The following ERN2 variants were observed in gnomAD, a reference collection of about 807,000 sequenced individuals.
The protein encoded by ERN2 is serine/threonine-protein kinase/endoribonuclease IRE2.
A neutral mutation model predicts 107.9 loss-of-function variants in ERN2; 111 were observed. The ratio of observed to expected loss-of-function variants is 1.03; its 90% CI spans 0.88 to 1.20. The LOEUF is 1.20. Among genes scored for constraint, ERN2 ranks in the 50% most tolerant of loss-of-function variants. The pLI is 0.00. For synonymous variants in ERN2, 524 were observed against 501.7 expected (o/e 1.04, Z -0.59); for missense variants, 1,225 against 1,197.9 (o/e 1.02, Z -0.33).
At position 23,692,278 on chromosome 16, in the gene ERN2, A is replaced by G. The variant is rs1377177865; in HGVS notation, c.2154T>C (p.Ser718=). The G allele has an allele frequency of 6.2e-7, 1 of 1,614,160 alleles. No homozygotes were observed. The highest frequency in any genetic ancestry group is 1.1e-5 in the South Asian group (1 of 91,084). Residue 718 remains serine, a synonymous_variant, in exon 18 of 22, where the codon TCT becomes TCC. Transcript: ENST00000256797. The stretch of plus-strand genomic sequence containing the variant: ...TGTCTCCAAAGGGGTGGCTGCCACC[A>G]GAAAGCACGTAGTAGAACACGCAGC... ...SAGCVFYYVL[S]GGSHPFGDSL...
chr16:23,712,919 GC>G (rs1960599397), intron 1 of ERN2, 175 bp downstream of exon 1: 2 of 547,848 alleles, frequency 3.7e-6, no homozygotes, highest in Non-Finnish European at 6.3e-6. Flanking sequence ...GGGGCAACTG[GC>G]GGCTCCCCAA....
chr16:23,695,796 C>T (rs781100046), intron 14 of ERN2, 98 bp downstream of exon 14: 2 of 817,254 alleles, frequency 2.4e-6, no homozygotes, highest in Non-Finnish European at 4.2e-6. Context: ...AACCTGTACC[C>T]ACCTCGGGGA....
Position 23,691,431 on chromosome 16 carries a change from G to T in ERN2, c.2377-6C>A. On this transcript the variant is annotated splice_polypyrimidine_tract_variant and splice_region_variant and intron_variant, in intron 19 of 21. Coordinates refer to ENST00000256797, the MANE Select transcript of ERN2 (RefSeq NM_033266.4). ...TCCAGCCAGTCACTGACGTCCTGGG[G>T]CCCAGAGAGCTCCTGAGCCTTGTGA... 6.3e-7 allele frequency: 1 copy of T among 1,598,036 alleles called. No homozygotes were observed. Among genetic ancestry groups the T allele is most frequent in the Non-Finnish European group, 8.5e-7 (1 of 1,179,286 alleles).
At chr16:23,700,726 G>C in intron 12 of ERN2, 22 bp from the exon 13 acceptor site, 1 of 1,604,594 alleles carries the variant, frequency 6.2e-7, no homozygotes. Context: ...GAGCCTAAGA[G>C]AGCTTTGTCC....
intron 1 of ERN2, 67 bp downstream of exon 1, chr16:23,713,028 G>A: frequency 7.8e-7 from 1 of 1,280,656 alleles, no homozygotes; most frequent in African/African-American, 1.6e-5. Context: ...CTCGCCCCAA[G>A]TGCGACGCCG....
In ERN2 at chr16:23,690,743, C is replaced by T; in HGVS notation, c.*88G>A. 1.2e-6 allele frequency: 1 copy of T among 807,140 alleles called. No individual in the cohort carries two copies. Among genetic ancestry groups the T allele is most frequent in the Non-Finnish European group, 1.8e-6 (1 of 559,204 alleles). The allele number at this position is 807,140 out of a possible 1,614,324, so 50.0% of individuals were successfully genotyped here. A position where few individuals can be genotyped will look rare whatever the true frequency, so the allele number is the denominator to read the frequency against. On this transcript the variant is annotated 3_prime_UTR_variant, in exon 22 of 22. Transcript: ENST00000256797. ...ATGCTGGGATTACAGGTGTGAGCCA[C>T]TGCACCCAGCCTGATTCTGAGGCCA...
chr16:23,697,664 A>G (rs1363282508), intron 13 of ERN2, among the ~76,000 whole-genome samples: 4 of 152,106 alleles, frequency 2.6e-5, no homozygotes, highest in African/African-American at 9.7e-5. Context: ...TGAGCTGGGG[A>G]GGCTCAGTCT....
At chr16:23,708,450 G>T (rs546146955) in intron 4 of ERN2, among the ~76,000 whole-genome samples, 1 of 148,402 alleles carries the variant, frequency 6.7e-6, no homozygotes, top group African/African-American at 2.5e-5. Context: ...TCTGCCTCCC[G>T]GGTACAAACG....
intron 16 of ERN2, 34 bp downstream of exon 16, chr16:23,694,985 G>A (rs762184297): frequency 6.2e-7 from 1 of 1,613,062 alleles, no homozygotes; most frequent in Admixed American, 1.7e-5. Flanking sequence ...AGGGGCTAAG[G>A]ACAGGGAGCG....
In ERN2 at chr16:23,711,046, T is replaced by C. The variant is rs1387630154; in HGVS notation, c.94-28A>G. On this transcript the variant is annotated intron_variant, in intron 1 of 21. Transcript: ENST00000256797. ...GCAAGGGGGTAGAGACAAAGTCAGC[T>C]CTCTGAGGGGTCTGGGACCACCCTT... The C allele has an allele frequency of 2.0e-6, 3 of 1,527,466 alleles. No individual in the cohort carries two copies. The Admixed American group carries it at 5.0e-5, about 26-fold the overall frequency. 94.6% of individuals were successfully genotyped at this position (1,527,466 alleles called of 1,614,324 possible). A position where few individuals can be genotyped will look rare whatever the true frequency, so the allele number is the denominator to read the frequency against.
intron 4 of ERN2, among the ~76,000 whole-genome samples, chr16:23,707,881 CCTGATG>C (rs1206668176): frequency 1.3e-5 from 2 of 152,218 alleles, no homozygotes; most frequent in Non-Finnish European, 2.9e-5. Flanking sequence ...GAGACCATGG[CCTGATG>C]CTGGCTAGGA....
chr16:23,706,218 G>C, intron 7 of ERN2, 112 bp downstream of exon 7: 1 of 700,326 alleles, frequency 1.4e-6, no homozygotes, highest in Non-Finnish European at 2.4e-6. Flanking sequence ...TGGGGTCCCT[G>C]GGGAGGTCAA....
chr16:23,711,950 G>A (rs1488593227), intron 1 of ERN2: 2 of 350,660 alleles, frequency 5.7e-6, no homozygotes, highest in East Asian at 1.1e-4. Context: ...TGGGAGGGGG[G>A]CTGGAGCCAC....
intron 1 of ERN2, chr16:23,711,868 C>T (rs1342931764): frequency 9.8e-6 from 2 of 204,294 alleles, no homozygotes; most frequent in African/African-American, 4.7e-5. Context: ...CTTTCTGCCT[C>T]CCCAAACCAG....
intron 4 of ERN2, among the ~76,000 whole-genome samples, chr16:23,707,543 G>A (rs1441787439): frequency 6.7e-6 from 1 of 149,756 alleles, no homozygotes; most frequent in South Asian, 2.1e-4. Context: ...GTGAGACCTC[G>A]TCTCTACAGA....
chr16:23,710,459 C>A (rs1960494705), intron 3 of ERN2, 57 bp downstream of exon 3: 1 of 1,568,732 alleles, frequency 6.4e-7, no homozygotes, highest in Non-Finnish European at 8.8e-7. Flanking sequence ...CTCCAGACAA[C>A]TATGAGTCCC....
At chr16:23,712,161 G>A in intron 1 of ERN2, 1 of 302,674 alleles carries the variant, frequency 3.3e-6, no homozygotes, top group Non-Finnish European at 7.2e-6. Flanking sequence ...GAAATTATCT[G>A]CTAGCCCCTC....
Position 23,695,363 on chromosome 16 carries a change from G to A in ERN2, c.1637C>T (p.Ala546Val), listed in dbSNP as rs145266171. ...FRGQFEGRAV[A>V]VKRLLRECFG... The stretch of plus-strand genomic sequence containing the variant: ...GCACTCGCGGAGGAGCCGCTTGACA[G>A]CCACTGCCCGTCCCTCAAACTGTCC... Residue 546 changes from alanine (A) to valine (V), a missense_variant, in exon 15 of 22, where the codon GCT becomes GTT. By Grantham distance (64) the Ala-to-Val change is moderately conservative. Transcript: ENST00000256797. 1.2e-6 allele frequency: 2 copies of A among 1,603,096 alleles called. No homozygotes were observed. The highest frequency in any genetic ancestry group is 2.7e-5 in the African/African-American group (2 of 74,726).
rs376975240 is a variant in ERN2, at chr16:23,710,884, G to A, written c.199+29C>T. 39 of 1,476,338 alleles carry A rather than the reference G, an allele frequency of 2.6e-5. No homozygotes were observed. In the African/African-American group the frequency reaches 5.2e-4, roughly 20 times the overall value. 91.5% of individuals were successfully genotyped at this position (1,476,338 alleles called of 1,614,324 possible). A position where few individuals can be genotyped will look rare whatever the true frequency, so the allele number is the denominator to read the frequency against. On this transcript the variant is annotated intron_variant, in intron 2 of 21. Transcript: ENST00000256797. Reference sequence around the variant, plus strand: ...TCCCTTCACCAATCTATGGGCCCAAGGAGGGAGGAGGGACCACCTCTTGCT... The same window carrying A: ...TCCCTTCACCAATCTATGGGCCCAAAGAGGGAGGAGGGACCACCTCTTGCT...
Sources: gnomAD v4.1 joint callset for allele counts (sites outside exome capture counted in the v4.1 genomes callset) on GRCh38, gnomAD v4.1.1 for gene constraint, MANE v1.5 for transcripts, NCBI Gene and HGNC (gene_info 2026-07-23, HGNC 2026-07-21) for gene names.